Variants in ADAMTS17 observed in about 807,000 individuals in gnomAD.
The protein encoded by ADAMTS17 is A disintegrin and metalloproteinase with thrombospondin motifs 17.
ADAMTS17 carries 113 observed loss-of-function variants against 141.5 expected under a neutral mutation model. That is an observed-to-expected ratio of 0.80 (90% CI 0.69 to 0.93). ADAMTS17 has a LOEUF of 0.93. ADAMTS17 is among the 40% of genes least tolerant of loss of function. The pLI is 0.00. For missense variants in ADAMTS17, 1,659 were observed against 1,517.9 expected (o/e 1.09, Z -1.54); for synonymous variants, 768 against 630.6 (o/e 1.22, Z -3.27).
chr15:100,160,810 C>G (rs2039656330), intron 8 of ADAMTS17, among the ~76,000 whole-genome samples: 1 of 152,154 alleles, frequency 6.6e-6, no homozygotes, highest in Non-Finnish European at 1.5e-5. Flanking sequence ...TGTTTACATG[C>G]CAAGCGGCTC....
intron 15 of ADAMTS17, among the ~76,000 whole-genome samples, chr15:100,081,520 C>T (rs1400902843): frequency 6.6e-6 from 1 of 152,150 alleles, no homozygotes; most frequent in Non-Finnish European, 1.5e-5. Context: ...TGAATTCTAT[C>T]TTTATAAAGC....
intron 15 of ADAMTS17, among the ~76,000 whole-genome samples, chr15:100,061,652 G>T (rs977375920): frequency 6.6e-5 from 10 of 152,194 alleles, no homozygotes; most frequent in Admixed American, 3.3e-4. Context: ...TGGAGATTAG[G>T]AAGACACTCC....
At chr15:100,116,044 G>T (rs1037015231) in intron 13 of ADAMTS17, among the ~76,000 whole-genome samples, 3 of 145,952 alleles carry the variant, frequency 2.1e-5, no homozygotes, top group Non-Finnish European at 4.5e-5. Context: ...GAGCTAACTT[G>T]TGTCTTGTAC....
intron 21 of ADAMTS17, among the ~76,000 whole-genome samples, chr15:99,974,995 A>G (rs2060291523): frequency 1.3e-5 from 2 of 152,338 alleles, no homozygotes; most frequent in Admixed American, 1.3e-4. Context: ...TCTTGATTGT[A>G]CAGAGAGAAG....
Position 100,039,501 on chromosome 15 carries a change from C to G in ADAMTS17, c.2591+9356G>C, listed in dbSNP as rs539754564. Among the ~76,000 whole-genome samples, 122 of 152,286 alleles carry G rather than the reference C, an allele frequency of 8.0e-4. 2 individuals carry two copies. The South Asian group carries it at 0.025, about 31-fold the overall frequency. On this transcript the variant is annotated intron_variant, in intron 18 of 21. Transcript: ENST00000268070. Reference sequence around the variant, plus strand: ...TCCCTTGTGATTTCTATTTGACCCACTGGTTGTTTAGGAAGGGTACTGTTT... The same window carrying G: ...TCCCTTGTGATTTCTATTTGACCCAGTGGTTGTTTAGGAAGGGTACTGTTT...
intron 18 of ADAMTS17, among the ~76,000 whole-genome samples, chr15:100,026,324 C>T (rs1189020619): frequency 6.6e-6 from 1 of 152,198 alleles, no homozygotes; most frequent in Non-Finnish European, 1.5e-5. Context: ...AGGTTTTGGC[C>T]TCTTATGACT....
chr15:100,314,474 A>T (rs60366616), intron 3 of ADAMTS17, among the ~76,000 whole-genome samples: 15,453 of 152,196 alleles, frequency 0.1, 883 homozygotes, highest in Non-Finnish European at 0.12. Flanking sequence ...AAAGGGTTGG[A>T]ATACGAAAGA....
intron 7 of ADAMTS17, among the ~76,000 whole-genome samples, chr15:100,250,919 T>C (rs544594237): frequency 4.6e-5 from 7 of 152,302 alleles, no homozygotes; most frequent in South Asian, 2.1e-4. Flanking sequence ...CATAAATAAA[T>C]TGGATGCTGA....
intron 15 of ADAMTS17, among the ~76,000 whole-genome samples, chr15:100,060,095 G>A (rs904356653): frequency 6.6e-6 from 1 of 152,356 alleles, no homozygotes; most frequent in Admixed American, 6.5e-5. Flanking sequence ...TTAACAGAGT[G>A]AAGAACAGGG....
intron 7 of ADAMTS17, among the ~76,000 whole-genome samples, chr15:100,206,651 G>A (rs2041577688): frequency 6.6e-6 from 1 of 152,316 alleles, no homozygotes; most frequent in African/African-American, 2.4e-5. Flanking sequence ...GGGTGAGGCT[G>A]AGAAGAAGTG....
chr15:100,255,940 G>T (rs931691886), intron 6 of ADAMTS17, among the ~76,000 whole-genome samples: 1 of 152,206 alleles, frequency 6.6e-6, no homozygotes, highest in Admixed American at 6.5e-5. Context: ...GAAGAGGTGT[G>T]TTCAGCTCAG....
At chr15:100,280,848 T>A (rs535638879) in intron 4 of ADAMTS17, among the ~76,000 whole-genome samples, 14 of 152,326 alleles carry the variant, frequency 9.2e-5, no homozygotes, top group Non-Finnish European at 1.9e-4. Context: ...TAAGCTCTTT[T>A]TCCCATAGAG....
intron 3 of ADAMTS17, among the ~76,000 whole-genome samples, chr15:100,285,984 C>T (rs1310677694): frequency 6.6e-6 from 1 of 152,160 alleles, no homozygotes; most frequent in Non-Finnish European, 1.5e-5. Context: ...ATGGTCACAC[C>T]AGCTTCCAGC....
In ADAMTS17 at chr15:100,188,206, A is replaced by G. The variant is rs558200437; in HGVS notation, c.1181+11112T>C. Among the ~76,000 whole-genome samples, 125 of 152,000 alleles carry G rather than the reference A, an allele frequency of 8.2e-4. 3 individuals are homozygous for G. In the South Asian group the frequency reaches 0.025, roughly 31 times the overall value. ...ATTCTCCTGCCTCAGCCTCCCAAGT[A>G]GCTGGAATTACAGGCATGCACCACC... On this transcript the variant is annotated intron_variant, in intron 8 of 21. Coordinates refer to ENST00000268070, the MANE Select transcript of ADAMTS17 (RefSeq NM_139057.4).
intron 18 of ADAMTS17, among the ~76,000 whole-genome samples, chr15:100,001,388 G>T (rs8034841): frequency 0.51 from 76,489 of 150,604 alleles, 19,929 homozygotes; most frequent in Non-Finnish European, 0.58. Flanking sequence ...AAAGTGGTTG[G>T]AGCACAGAGA....
At chr15:100,081,822 G>A (rs527968869) in intron 15 of ADAMTS17, among the ~76,000 whole-genome samples, 3 of 152,164 alleles carry the variant, frequency 2.0e-5, no homozygotes, top group Non-Finnish European at 2.9e-5. Context: ...AACCAACAAG[G>A]CTCAGCGTCC....
At chr15:100,061,837 G>C (rs1445389401) in intron 15 of ADAMTS17, among the ~76,000 whole-genome samples, 2 of 152,156 alleles carry the variant, frequency 1.3e-5, no homozygotes, top group East Asian at 3.9e-4. Flanking sequence ...TGCGAATTTT[G>C]AATTAGGATG....
Position 100,301,351 on chromosome 15 carries a change from C to T in ADAMTS17, c.617-19950G>A, listed in dbSNP as rs570036046. Among the ~76,000 whole-genome samples, 13 of 150,222 alleles carry T rather than the reference C, an allele frequency of 8.7e-5. No homozygotes were observed. The South Asian group carries it at 1.9e-3, about 22-fold the overall frequency. On this transcript the variant is annotated intron_variant, in intron 3 of 21. Transcript: ENST00000268070. ...TATATATATATATATTTTTCTGAGA[C>T]GGAGTCTCTGTTGCCCAGGCTGAAG...
chr15:100,311,858 T>C (rs1212979402), intron 3 of ADAMTS17, among the ~76,000 whole-genome samples: 1 of 151,784 alleles, frequency 6.6e-6, no homozygotes, highest in Non-Finnish European at 1.5e-5. Context: ...ATATTGACTG[T>C]GATTGCCATG....
Sources: allele counts gnomAD v4.1 joint callset (sites outside exome capture counted in the v4.1 genomes callset), GRCh38; gene constraint gnomAD v4.1.1; transcripts MANE v1.5; gene names NCBI Gene and HGNC (gene_info 2026-07-23, HGNC 2026-07-21).